RPF2: variants seen among roughly 807,000 people sequenced by gnomAD.
RPF2 encodes the protein brix domain containing 1.
A neutral mutation model predicts 38.9 loss-of-function variants in RPF2; 21 were observed. The ratio of observed to expected loss-of-function variants is 0.54; its 90% CI spans 0.38 to 0.78. The LOEUF (loss-of-function observed/expected upper bound fraction) is 0.78. Ranked by LOEUF, RPF2 falls within the 30% of genes least tolerant of loss-of-function variation. RPF2 has a pLI of 0.00. For missense variants in RPF2, 314 were observed against 358.1 expected (o/e 0.88, Z 0.99); for synonymous variants, 121 against 126.2 (o/e 0.96, Z 0.28).
At chr6:110,992,576 T>C (rs188423735) in intron 4 of RPF2, among the ~76,000 whole-genome samples, 9 of 151,738 alleles carry the variant, frequency 5.9e-5, no homozygotes, top group Middle Eastern at 3.4e-3. Flanking sequence ...TCACACACAA[T>C]TGGATACTTT....
intron 8 of RPF2, among the ~76,000 whole-genome samples, chr6:111,017,406 A>G (rs1030509136): frequency 3.4e-5 from 5 of 148,496 alleles, no homozygotes; most frequent in Admixed American, 1.3e-4. Context: ...GACGCTCCTC[A>G]CTTCCCAGAC....
At chr6:111,000,870 G>A (rs1206404466) in intron 6 of RPF2, among the ~76,000 whole-genome samples, 2 of 148,888 alleles carry the variant, frequency 1.3e-5, no homozygotes, top group Non-Finnish European at 3.0e-5. Context: ...GAGAAGTGAT[G>A]TTGTTGGTAA....
chr6:111,007,450 C>A (rs1771931262), intron 6 of RPF2, among the ~76,000 whole-genome samples: 1 of 151,682 alleles, frequency 6.6e-6, no homozygotes, highest in African/African-American at 2.4e-5. Context: ...GCCAGGCCTG[C>A]ACCTGTAGTC....
chr6:111,011,973 T>G (rs181373205), intron 7 of RPF2, among the ~76,000 whole-genome samples: 346 of 152,066 alleles, frequency 2.3e-3, no homozygotes, highest in South Asian at 9.8e-3. Context: ...AGTATAAATA[T>G]GAAGTAAAAC....
intron 4 of RPF2, among the ~76,000 whole-genome samples, chr6:110,993,152 C>G (rs1267887514): frequency 6.6e-6 from 1 of 152,030 alleles, no homozygotes; most frequent in Admixed American, 6.6e-5. Flanking sequence ...GCCATGTTGC[C>G]CAATCTGGTT....
rs774918483 is a variant in RPF2, at chr6:111,024,318, A to G, written c.732A>G (p.Lys244=). 7.4e-6 allele frequency: 12 copies of G among 1,610,930 alleles called. No individual in the cohort carries two copies. The South Asian group carries it at 1.2e-4, about 16-fold the overall frequency. ...DLYKLSMKMP[K]ALKPKKKKNI... is the part of the protein sequence containing the mutation. ...ATAAATTATCTATGAAAATGCCAAA[A>G]GCTCTCAAGGTATATAACTTAGAGC... The change falls in exon 9 of 10, where the codon AAA becomes AAG. Residue 244 remains lysine (K), a synonymous_variant. Transcript: ENST00000441448.
chr6:111,008,017 G>GA, intron 6 of RPF2, 21 bp from the exon 7 acceptor site: 1 of 1,213,558 alleles, frequency 8.2e-7, no homozygotes, highest in Non-Finnish European at 1.1e-6. Context: ...TTATATAATT[G>GA]CTTTTTTTTT....
chr6:110,990,670 T>C (rs1238944700), intron 3 of RPF2, among the ~76,000 whole-genome samples: 1 of 147,140 alleles, frequency 6.8e-6, no homozygotes, highest in African/African-American at 2.5e-5. Flanking sequence ...CCACAACCTC[T>C]GGCTCCTGGG....
At chr6:110,994,760 C>CGT (rs1562367757) in intron 4 of RPF2, among the ~76,000 whole-genome samples, 32 of 145,106 alleles carry the variant, frequency 2.2e-4, no homozygotes, top group African/African-American at 6.3e-4. Flanking sequence ...CACACACACA[C>CGT]ACACACACAC....
chr6:111,011,856 A>G (rs1007525968), intron 7 of RPF2, among the ~76,000 whole-genome samples: 3 of 152,152 alleles, frequency 2.0e-5, no homozygotes, highest in African/African-American at 7.2e-5. Flanking sequence ...CACATAATGC[A>G]GTGGTGAGGG....
chr6:111,008,174 C>T (rs866851750), intron 7 of RPF2, 37 bp downstream of exon 7: 3 of 1,562,996 alleles, frequency 1.9e-6, no homozygotes, highest in Middle Eastern at 1.7e-4. Flanking sequence ...CAGGGTAGCT[C>T]AGGAAGACAG....
chr6:110,999,810 A>C, intron 6 of RPF2, 23 bp downstream of exon 6: 1 of 1,335,502 alleles, frequency 7.5e-7, no homozygotes, highest in Non-Finnish European at 1.1e-6. Context: ...TAGAAATGAA[A>C]AGTATTTTGT....
rs539948711 is a variant in RPF2, at chr6:111,012,986, A to G, written c.494-2768A>G. ...TGCCCAGCCATGCTTTTATTTATAC[A>G]GTATTATTATACTTTAGGTTATCAA... On this transcript the variant is annotated intron_variant, in intron 7 of 9. Coordinates refer to ENST00000441448, the MANE Select transcript of RPF2 (RefSeq NM_032194.3). 8.5e-5 allele frequency among the ~76,000 whole-genome samples: 13 copies of G among 152,318 alleles called. No individual in the cohort carries two copies. In the South Asian group the frequency reaches 1.2e-3, roughly 15 times the overall value.
At chr6:111,009,148 C>T (rs1423744789) in intron 7 of RPF2, among the ~76,000 whole-genome samples, 3 of 152,094 alleles carry the variant, frequency 2.0e-5, no homozygotes, top group Non-Finnish European at 4.4e-5. Context: ...CTCCACCTCC[C>T]GGGTTCACAC....
intron 6 of RPF2, among the ~76,000 whole-genome samples, chr6:111,007,671 A>G (rs780085014): frequency 2.6e-5 from 4 of 152,214 alleles, no homozygotes; most frequent in African/African-American, 4.8e-5. Context: ...TAGGCCAGGC[A>G]CAGTGGCTCT....
At chr6:110,990,986 C>T (rs1478429258) in intron 3 of RPF2, among the ~76,000 whole-genome samples, 1 of 152,126 alleles carries the variant, frequency 6.6e-6, no homozygotes, top group African/African-American at 2.4e-5. Flanking sequence ...TTTTTCCTTA[C>T]CACAGCCCTG....
At chr6:111,015,911 G>A in intron 8 of RPF2, 55 bp downstream of exon 8, 4 of 1,322,604 alleles carry the variant, frequency 3.0e-6, no homozygotes, top group Non-Finnish European at 3.3e-6. Flanking sequence ...GTTTAAAACT[G>A]TGTGACTGTT....
intron 8 of RPF2, among the ~76,000 whole-genome samples, chr6:111,016,806 T>C (rs909486862): frequency 6.6e-6 from 1 of 150,552 alleles, no homozygotes; most frequent in Non-Finnish European, 1.5e-5. Context: ...AGGTCTCTGG[T>C]TTTCCTAGGC....
chr6:111,003,120 G>T (rs547880514), intron 6 of RPF2, among the ~76,000 whole-genome samples: 1 of 138,024 alleles, frequency 7.2e-6, no homozygotes, highest in African/African-American at 2.8e-5. Context: ...TCTAACACCA[G>T]TGTCACCAAT....
Sources: allele counts gnomAD v4.1 joint callset (sites outside exome capture counted in the v4.1 genomes callset), GRCh38; gene constraint gnomAD v4.1.1; transcripts MANE v1.5; gene names NCBI Gene and HGNC (gene_info 2026-07-23, HGNC 2026-07-21).